Variants in MSI2 observed in about 807,000 individuals in gnomAD.
MSI2 encodes RNA-binding protein Musashi homolog 2.
MSI2 carries 17 observed loss-of-function variants against 45.6 expected under a neutral mutation model. The ratio of observed to expected loss-of-function variants is 0.37; its 90% CI spans 0.26 to 0.56. The LOEUF (loss-of-function observed/expected upper bound fraction) is 0.56, where lower values mean the gene tolerates loss of function less well. Ranked by LOEUF, MSI2 falls within the 20% of genes least tolerant of loss-of-function variation. The pLI is 0.77. For synonymous variants in MSI2, 156 were observed against 158.2 expected, an observed-to-expected ratio of 0.99 and a Z score of 0.11; for missense variants, 293 against 444.2, an observed-to-expected ratio of 0.66 and a Z score of 3.06.
At chr17:57,283,614 A>G (rs1909611865) in intron 5 of MSI2, among the ~76,000 whole-genome samples, 1 of 152,212 alleles carries the variant, frequency 6.6e-6, no homozygotes, top group African/African-American at 2.4e-5. Context: ...TAGAAACAAT[A>G]CTGAAATGAT....
intron 11 of MSI2, among the ~76,000 whole-genome samples, chr17:57,661,629 G>A (rs1034541397): frequency 1.3e-5 from 2 of 152,178 alleles, no homozygotes; most frequent in Admixed American, 1.3e-4. Context: ...GAGAGGCATT[G>A]AGAAAGCAGA....
the MSI2 span, among the ~76,000 whole-genome samples, chr17:57,695,252 A>G: frequency 6.6e-6 from 1 of 152,194 alleles, no homozygotes; most frequent in African/African-American, 2.4e-5. Context: ...GGGGCGGAAT[A>G]TTGGGAGGAA....
In MSI2 at chr17:57,535,828, G is replaced by A. The variant is rs114453319; in HGVS notation, c.454+6104G>A. Among the ~76,000 whole-genome samples the A allele has an allele frequency of 5.3e-3, 805 of 152,328 alleles. 8 individuals carry two copies. The highest frequency in any genetic ancestry group is 0.018 in the African/African-American group (756 of 41,572). Reference sequence around the variant, plus strand: ...CTGGAGCTTGCTCAGTCTCTGTCCCGAAAAGCAGCTGGCCAAAGTTTAAGG... The same window carrying A: ...CTGGAGCTTGCTCAGTCTCTGTCCCAAAAAGCAGCTGGCCAAAGTTTAAGG... On this transcript the variant is annotated intron_variant, in intron 7 of 13. Transcript: ENST00000284073.
chr17:57,651,948 CTG>C, intron 10 of MSI2, 149 bp from the exon 11 acceptor site: 1 of 676,158 alleles, frequency 1.5e-6, no homozygotes, highest in Non-Finnish European at 2.6e-6. Context: ...AGCCACTACT[CTG>C]TGTCCCTCTC....
intron 10 of MSI2, among the ~76,000 whole-genome samples, chr17:57,650,583 G>A (rs1437955829): frequency 6.6e-6 from 1 of 152,144 alleles, no homozygotes; most frequent in Admixed American, 6.5e-5. Context: ...TGGGAGCTTG[G>A]AGACCTGCAG....
Position 57,529,524 on chromosome 17 carries a change from C to G in MSI2, c.406-152C>G, listed in dbSNP as rs73991850. The G allele has an allele frequency of 8.1e-6, 5 of 618,300 alleles. No individual in the cohort carries two copies. The highest frequency in any genetic ancestry group is 5.7e-5 in the South Asian group (3 of 52,960). The allele number at this position is 618,300 out of a possible 1,614,324, so 38.3% of individuals were successfully genotyped here. A position where few individuals can be genotyped will look rare whatever the true frequency, so the allele number is the denominator to read the frequency against. On this transcript the variant is annotated intron_variant, in intron 6 of 13. Coordinates refer to ENST00000284073, the MANE Select transcript of MSI2 (RefSeq NM_138962.4). The surrounding 1 kb of genome is among the most constrained non-coding windows in gnomAD (Gnocchi z 5.3). ...AGTGGAAAGACCACTGTTTTTTTTT[C>G]TTTCTACTTTTTTGCATTTTCAAAT... is the stretch of plus-strand genomic sequence containing the variant.
chr17:57,353,023 T>C (rs939667121), intron 5 of MSI2, among the ~76,000 whole-genome samples: 3 of 152,172 alleles, frequency 2.0e-5, no homozygotes, highest in Non-Finnish European at 4.4e-5. Flanking sequence ...TTTAAAAAAG[T>C]CAAGATGGAG....
At chr17:57,371,582 T>C (rs879304920) in intron 5 of MSI2, among the ~76,000 whole-genome samples, 2 of 151,612 alleles carry the variant, frequency 1.3e-5, no homozygotes, top group Admixed American at 6.6e-5. Flanking sequence ...AATCATTGGC[T>C]AACCTGCCTT....
chr17:57,493,584 A>G (rs1377779378), intron 6 of MSI2, among the ~76,000 whole-genome samples: 3 of 150,950 alleles, frequency 2.0e-5, no homozygotes, highest in Non-Finnish European at 4.4e-5. Flanking sequence ...TATTCTGTTC[A>G]GTTGCCCTCT....
intron 5 of MSI2, among the ~76,000 whole-genome samples, chr17:57,394,115 T>C (rs1232039761): frequency 1.3e-5 from 2 of 152,212 alleles, no homozygotes; most frequent in Non-Finnish European, 2.9e-5. Context: ...CTTGTCATTT[T>C]TGCATCTTTG....
At chr17:57,445,153 G>A (rs939372963) in intron 6 of MSI2, among the ~76,000 whole-genome samples, 5 of 152,072 alleles carry the variant, frequency 3.3e-5, no homozygotes, top group African/African-American at 9.7e-5. Flanking sequence ...AGGAGTCGCC[G>A]CAGACTTCCT....
chr17:57,536,188 T>G (rs1309257349), intron 7 of MSI2, among the ~76,000 whole-genome samples: 1 of 152,248 alleles, frequency 6.6e-6, no homozygotes, highest in Non-Finnish European at 1.5e-5. Flanking sequence ...GTGTGGGATG[T>G]CAGACATAAT....
chr17:57,416,335 G>T (rs1175841667), intron 6 of MSI2, among the ~76,000 whole-genome samples: 1 of 152,236 alleles, frequency 6.6e-6, no homozygotes, highest in Admixed American at 6.5e-5. Context: ...GAGTGCTCCA[G>T]TGTGGCCTGA....
At chr17:57,690,614 G>C in the MSI2 span, among the ~76,000 whole-genome samples, 1 of 152,134 alleles carries the variant, frequency 6.6e-6, no homozygotes, top group Non-Finnish European at 1.5e-5. Context: ...GCAAGACCCT[G>C]TCTGTCTCTA....
Position 57,616,066 on chromosome 17 carries a change from C to T in MSI2, c.634C>T (p.Leu212Phe), listed in dbSNP as rs1907658214. Reference protein sequence around the residue: ...GLPYTMDAFMLGMGMLGYPNF... With the variant: ...GLPYTMDAFMFGMGMLGYPNF... ...GCCTTACACCATGGACGCGTTCATG[C>T]TTGGCATGGGGATGCTGGGTGAGTC... Residue 212 changes from leucine (L) to phenylalanine (F), a missense_variant, in exon 9 of 14, where the codon CTT (leucine) becomes TTT (phenylalanine). Physicochemically the swap from Leu to Phe is conservative, Grantham distance 22. Transcript: ENST00000284073. 1 of 1,613,570 alleles carries T rather than the reference C, an allele frequency of 6.2e-7. No individual in the cohort carries two copies. The highest frequency in any genetic ancestry group is 1.7e-5 in the Admixed American group (1 of 59,990).
chr17:57,521,947 T>A (rs1360653569), intron 6 of MSI2, among the ~76,000 whole-genome samples: 3 of 152,222 alleles, frequency 2.0e-5, no homozygotes, highest in Non-Finnish European at 4.4e-5. Flanking sequence ...ACCCCACCCT[T>A]TTCAAGGCCA....
intron 6 of MSI2, among the ~76,000 whole-genome samples, chr17:57,461,813 G>A (rs1247279910): frequency 5.3e-5 from 8 of 152,180 alleles, no homozygotes; most frequent in Admixed American, 3.9e-4. Flanking sequence ...GATTACAGAC[G>A]TGAGCTAGAA....
chr17:57,550,269 G>A (rs767434192), intron 7 of MSI2, among the ~76,000 whole-genome samples: 1 of 152,156 alleles, frequency 6.6e-6, no homozygotes, highest in South Asian at 2.1e-4. Flanking sequence ...AAGGCCTTAC[G>A]GCAGCTAGCC....
chr17:57,333,762 GTAT>G (rs1230200567), intron 5 of MSI2, among the ~76,000 whole-genome samples: 1 of 149,122 alleles, frequency 6.7e-6, no homozygotes, highest in African/African-American at 2.5e-5. Context: ...CCTTTTAAAC[GTAT>G]TATTATTATT....
Sources: gnomAD v4.1 joint callset for allele counts (sites outside exome capture counted in the v4.1 genomes callset) on GRCh38, gnomAD v4.1.1 for gene constraint, Gnocchi (gnomAD v3.1) non-coding constraint, MANE v1.5 for transcripts, NCBI Gene and HGNC (gene_info 2026-07-23, HGNC 2026-07-21) for gene names.